Variants in RIMS1 observed in about 807,000 individuals in gnomAD.
RIMS1 encodes the protein regulating synaptic membrane exocytosis protein 1.
In RIMS1, 83 loss-of-function variants were observed where a neutral mutation model predicts 214.1. The observed-to-expected ratio is 0.39, with a 90% CI of 0.32 to 0.47. The LOEUF (loss-of-function observed/expected upper bound fraction) is 0.47. Among genes scored for constraint, RIMS1 ranks in the 20% least tolerant of loss-of-function variants. RIMS1 has a pLI of 0.99. For missense variants in RIMS1, 2,050 were observed against 2,161.8 expected (o/e 0.95, Z 1.03); for synonymous variants, 793 against 786.8 (o/e 1.01, Z -0.13).
At chr6:72,111,770 C>T (rs2036140200) in intron 4 of RIMS1, among the ~76,000 whole-genome samples, 1 of 152,134 alleles carries the variant, frequency 6.6e-6, no homozygotes, top group Non-Finnish European at 1.5e-5. Flanking sequence ...AGGTCTCTCT[C>T]TGGGCCACTC....
At chr6:72,132,824 C>T (rs1433648797) in intron 4 of RIMS1, among the ~76,000 whole-genome samples, 2 of 152,116 alleles carry the variant, frequency 1.3e-5, no homozygotes, top group Non-Finnish European at 2.9e-5. Context: ...TCTCATTTAT[C>T]CAAAACTCAG....
At chr6:71,976,120 T>A (rs1024760926) in intron 2 of RIMS1, among the ~76,000 whole-genome samples, 2 of 152,134 alleles carry the variant, frequency 1.3e-5, no homozygotes, top group African/African-American at 4.8e-5. Flanking sequence ...GTTTAACTTT[T>A]TGAGGACCTG....
chr6:72,015,749 AC>A (rs1325141859), intron 2 of RIMS1, among the ~76,000 whole-genome samples: 2 of 152,080 alleles, frequency 1.3e-5, no homozygotes, highest in Admixed American at 6.5e-5. Flanking sequence ...ACATGGTGAA[AC>A]CCTGTCTCTA....
chr6:72,178,343 TAC>T (rs1444556745), intron 4 of RIMS1, among the ~76,000 whole-genome samples: 3 of 152,344 alleles, frequency 2.0e-5, no homozygotes, highest in African/African-American at 4.8e-5. Context: ...TGGCTACAGT[TAC>T]AGTTTTTCCC....
intron 6 of RIMS1, among the ~76,000 whole-genome samples, chr6:72,207,091 T>C (rs2053055353): frequency 6.6e-6 from 1 of 152,244 alleles, no homozygotes; most frequent in Non-Finnish European, 1.5e-5. Flanking sequence ...AGTAGTCTGG[T>C]CCTATAGGCA....
intron 29 of RIMS1, among the ~76,000 whole-genome samples, chr6:72,336,571 C>T (rs1021820104): frequency 2.6e-5 from 4 of 151,684 alleles, no homozygotes; most frequent in Admixed American, 2.0e-4. Context: ...AGTGACTCAA[C>T]GAATGAACTT....
At chr6:72,177,619 G>A (rs183337461) in intron 4 of RIMS1, among the ~76,000 whole-genome samples, 34 of 152,276 alleles carry the variant, frequency 2.2e-4, no homozygotes, top group African/African-American at 8.2e-4. Flanking sequence ...CAAATTTAAC[G>A]TCTTCTTATT....
intron 1 of RIMS1, among the ~76,000 whole-genome samples, chr6:71,962,517 T>C (rs577102122): frequency 6.6e-6 from 1 of 152,288 alleles, no homozygotes; most frequent in African/African-American, 2.4e-5. Flanking sequence ...CAGGACCTGA[T>C]GGTTTGTGAT....
At chr6:71,895,191 T>A (rs1013419855) in intron 1 of RIMS1, among the ~76,000 whole-genome samples, 3 of 152,214 alleles carry the variant, frequency 2.0e-5, no homozygotes, top group Admixed American at 6.5e-5. Context: ...CTTTACATCG[T>A]CCATTTGATT....
At chr6:72,022,912 T>C (rs924498234) in intron 2 of RIMS1, among the ~76,000 whole-genome samples, 1 of 152,154 alleles carries the variant, frequency 6.6e-6, no homozygotes, top group Non-Finnish European at 1.5e-5. Flanking sequence ...TAATGTAATA[T>C]GAATATTGAA....
intron 2 of RIMS1, among the ~76,000 whole-genome samples, chr6:72,036,188 G>A: frequency 6.6e-6 from 1 of 152,140 alleles, no homozygotes; most frequent in East Asian, 1.9e-4. Context: ...CTAGTCCTCT[G>A]TGAGACCTAG....
At chr6:72,341,496 T>A (rs1225543458) in intron 29 of RIMS1, among the ~76,000 whole-genome samples, 2 of 151,776 alleles carry the variant, frequency 1.3e-5, no homozygotes, top group Non-Finnish European at 2.9e-5. Flanking sequence ...GAAGAAGACA[T>A]CTATAAATGT....
intron 27 of RIMS1, among the ~76,000 whole-genome samples, chr6:72,312,580 G>A (rs2095564207): frequency 6.6e-6 from 1 of 151,966 alleles, no homozygotes; most frequent in Non-Finnish European, 1.5e-5. Context: ...GAATATCAGA[G>A]ACAAATTTAA....
chr6:71,988,193 T>G (rs1800587498), intron 2 of RIMS1, among the ~76,000 whole-genome samples: 1 of 152,150 alleles, frequency 6.6e-6, no homozygotes, highest in Non-Finnish European at 1.5e-5. Context: ...TCAGTTGACA[T>G]CAAGATTCAT....
chr6:72,385,912 C>T (rs945946991), intron 29 of RIMS1, among the ~76,000 whole-genome samples: 6 of 152,152 alleles, frequency 3.9e-5, no homozygotes, highest in African/African-American at 1.4e-4. Flanking sequence ...TCAATTGAAG[C>T]TCTTTTCATG....
rs560115110 is a variant in RIMS1 at position 72,336,538 on chromosome 6, C to CA, written c.4366+2707dup. Among the ~76,000 whole-genome samples the CA allele has an allele frequency of 2.2e-3, 332 of 151,742 alleles. 1 individual carries two copies. The highest frequency in any genetic ancestry group is 0.012 in the South Asian group (57 of 4,814). ...AAATGGGATTATGAAGCCAAGATAC[C>CA]AAAATATGTAGTTCTGTTCCAAAGT... On this transcript the variant is annotated intron_variant, in intron 29 of 33. Coordinates refer to ENST00000521978, the MANE Select transcript of RIMS1 (RefSeq NM_014989.7).
chr6:72,132,268 G>T (rs1320516207), intron 4 of RIMS1, among the ~76,000 whole-genome samples: 1 of 152,168 alleles, frequency 6.6e-6, no homozygotes, highest in Non-Finnish European at 1.5e-5. Flanking sequence ...AGAGATTGCA[G>T]TAAAGACAGG....
chr6:71,900,420 T>C (rs1773245345), intron 1 of RIMS1, among the ~76,000 whole-genome samples: 1 of 152,136 alleles, frequency 6.6e-6, no homozygotes, highest in African/African-American at 2.4e-5. Context: ...AAGAGAGATA[T>C]GATATAATCT....
At chr6:72,216,381 T>G in intron 6 of RIMS1, 1 of 913,654 alleles carries the variant, frequency 1.1e-6, no homozygotes, top group Non-Finnish European at 1.3e-6. Context: ...GCAAAACCTG[T>G]TTGAGGTTGT....
Sources: gnomAD v4.1 joint callset for allele counts (sites outside exome capture counted in the v4.1 genomes callset) on GRCh38, gnomAD v4.1.1 for gene constraint, MANE v1.5 for transcripts, NCBI Gene and HGNC (gene_info 2026-07-23, HGNC 2026-07-21) for gene names.